The following KIAA1549L variants were observed in gnomAD, a reference collection of about 807,000 sequenced individuals.
The protein encoded by KIAA1549L is KIAA1549 like, also known as UPF0606 protein KIAA1549L.
A neutral mutation model predicts 160.7 loss-of-function variants in KIAA1549L; 88 were observed. That is an observed-to-expected ratio of 0.55 (90% CI 0.46 to 0.65). The LOEUF is 0.65. KIAA1549L is among the 30% of genes least tolerant of loss of function. The pLI, the probability that KIAA1549L is intolerant of heterozygous loss-of-function variation, is 0.00. For synonymous variants in KIAA1549L, 950 were observed against 976.7 expected, an observed-to-expected ratio of 0.97 and a Z score of 0.51; for missense variants, 2,258 against 2,437.5, an observed-to-expected ratio of 0.93 and a Z score of 1.55.
chr11:33,592,440 G>A (rs910579509), intron 12 of KIAA1549L, among the ~76,000 whole-genome samples: 1 of 152,172 alleles, frequency 6.6e-6, no homozygotes, highest in Non-Finnish European at 1.5e-5. Context: ...ATGGCAAGCC[G>A]CGTTGGCTGG....
chr11:33,476,037 C>T (rs1565151824), intron 1 of KIAA1549L, among the ~76,000 whole-genome samples: 3 of 152,124 alleles, frequency 2.0e-5, no homozygotes. Flanking sequence ...CACACATGAT[C>T]TTTTAAAACC....
rs183930528 is a variant in KIAA1549L, at chr11:33,593,196, G to A, written c.4751+1775G>A. Reference sequence around the variant, plus strand: ...TGTAACTCCAGCAGTTTGAGAGGCCGAGGCAGGAGGATCACTTGAAGCCAG... The same window carrying A: ...TGTAACTCCAGCAGTTTGAGAGGCCAAGGCAGGAGGATCACTTGAAGCCAG... On this transcript the variant is annotated intron_variant, in intron 12 of 20. Transcript: ENST00000658780. 7.8e-4 allele frequency among the ~76,000 whole-genome samples: 119 copies of A among 152,310 alleles called. 2 individuals carry two copies. The Middle Eastern group carries it at 0.01, about 13-fold the overall frequency.
chr11:33,475,101 T>C (rs1278058774), intron 1 of KIAA1549L, among the ~76,000 whole-genome samples: 1 of 152,182 alleles, frequency 6.6e-6, no homozygotes, highest in East Asian at 1.9e-4. Flanking sequence ...GAGCTTCTCA[T>C]TCTCCTGCAA....
intron 1 of KIAA1549L, among the ~76,000 whole-genome samples, chr11:33,435,786 A>ATGTG (rs1287703565): frequency 5.3e-4 from 10 of 18,950 alleles, no homozygotes; most frequent in African/African-American, 4.0e-3. Context: ...ATATATATAT[A>ATGTG]TATATATATA....
chr11:33,524,996 CT>C (rs1193245200), intron 1 of KIAA1549L, among the ~76,000 whole-genome samples: 2 of 152,154 alleles, frequency 1.3e-5, no homozygotes, highest in African/African-American at 4.8e-5. Context: ...ATATGAACAA[CT>C]TCCAGAGAAG....
chr11:33,417,441 A>T (rs931596648), intron 1 of KIAA1549L, among the ~76,000 whole-genome samples: 2 of 152,034 alleles, frequency 1.3e-5, no homozygotes, highest in African/African-American at 4.8e-5. Context: ...GCTGGTTATC[A>T]CCTACTAAAT....
intron 1 of KIAA1549L, among the ~76,000 whole-genome samples, chr11:33,459,331 C>A (rs1417623662): frequency 6.6e-6 from 1 of 152,124 alleles, no homozygotes; most frequent in Non-Finnish European, 1.5e-5. Flanking sequence ...GAGGGGAGTT[C>A]TGGGCAGGTC....
chr11:33,392,663 T>C (rs1342150968), intron 1 of KIAA1549L, among the ~76,000 whole-genome samples: 2 of 152,184 alleles, frequency 1.3e-5, no homozygotes, highest in Non-Finnish European at 2.9e-5. Context: ...CAAGCAACCA[T>C]GGTTTGATTT....
chr11:33,379,008 T>C (rs1196032242), intron 1 of KIAA1549L, among the ~76,000 whole-genome samples: 3 of 152,180 alleles, frequency 2.0e-5, no homozygotes, highest in African/African-American at 7.2e-5. Context: ...CAACCTAGTT[T>C]GGAACTTTTT....
intron 16 of KIAA1549L, 54 bp from the exon 17 acceptor site, chr11:33,645,632 C>T: frequency 7.8e-7 from 1 of 1,279,450 alleles, no homozygotes; most frequent in Non-Finnish European, 1.1e-6. Flanking sequence ...AATTACAGAG[C>T]ACCTTCACGG....
intron 16 of KIAA1549L, among the ~76,000 whole-genome samples, chr11:33,619,638 C>T (rs974450269): frequency 4.6e-5 from 7 of 152,114 alleles, no homozygotes; most frequent in African/African-American, 1.7e-4. Flanking sequence ...ATTTGAATTT[C>T]TAATCACCTT....
intron 1 of KIAA1549L, among the ~76,000 whole-genome samples, chr11:33,480,807 G>A (rs1013465396): frequency 6.6e-6 from 1 of 152,160 alleles, no homozygotes; most frequent in African/African-American, 2.4e-5. Context: ...CCAAGGCTGG[G>A]GGCCTTATGG....
At chr11:33,530,872 T>C (rs1853754328) in intron 1 of KIAA1549L, among the ~76,000 whole-genome samples, 1 of 152,184 alleles carries the variant, frequency 6.6e-6, no homozygotes, top group Admixed American at 6.5e-5. Flanking sequence ...CCTTATCCAA[T>C]ATGGAAAAAT....
intron 16 of KIAA1549L, among the ~76,000 whole-genome samples, chr11:33,642,596 TG>T (rs1291338720): frequency 1.1e-5 from 1 of 88,102 alleles, no homozygotes; most frequent in Admixed American, 1.2e-4. Flanking sequence ...GTGAGTGGTT[TG>T]GGGGGGTGGA....
intron 1 of KIAA1549L, among the ~76,000 whole-genome samples, chr11:33,439,504 G>C (rs1216417819): frequency 6.6e-6 from 1 of 151,566 alleles, no homozygotes; most frequent in Non-Finnish European, 1.5e-5. Flanking sequence ...CCGGGTTCAT[G>C]CCATTCTCCT....
intron 1 of KIAA1549L, among the ~76,000 whole-genome samples, chr11:33,461,456 A>G (rs966011631): frequency 3.3e-5 from 5 of 152,136 alleles, no homozygotes; most frequent in African/African-American, 7.2e-5. Context: ...TTCTCCCCAC[A>G]TGCCAGACTG....
chr11:33,442,741 G>A (rs2132950112), intron 1 of KIAA1549L, among the ~76,000 whole-genome samples: 1 of 152,256 alleles, frequency 6.6e-6, no homozygotes, highest in Non-Finnish European at 1.5e-5. Flanking sequence ...TTATTTGTTT[G>A]AATATTGCCT....
intron 1 of KIAA1549L, among the ~76,000 whole-genome samples, chr11:33,381,017 A>T (rs541854914): frequency 1.3e-5 from 2 of 151,980 alleles, no homozygotes; most frequent in Non-Finnish European, 1.5e-5. Context: ...ATTAGAGAGA[A>T]TGGGGCTTGT....
At chr11:33,620,126 G>A (rs758133886) in intron 16 of KIAA1549L, among the ~76,000 whole-genome samples, 9 of 152,154 alleles carry the variant, frequency 5.9e-5, no homozygotes, top group African/African-American at 1.9e-4. Context: ...ATTGCAGATC[G>A]TTTTTTAACC....
Sources: allele counts gnomAD v4.1 joint callset (sites outside exome capture counted in the v4.1 genomes callset), GRCh38; gene constraint gnomAD v4.1.1; transcripts MANE v1.5; gene names NCBI Gene and HGNC (gene_info 2026-07-23, HGNC 2026-07-21).